Variants in MYRFL observed in about 807,000 individuals in gnomAD.
The protein encoded by MYRFL is myelin regulatory factor-like protein.
Under a neutral mutation model 109.4 loss-of-function variants are expected in MYRFL, and 88 were observed. The observed-to-expected ratio is 0.80, with a 90% CI of 0.68 to 0.96. The LOEUF (loss-of-function observed/expected upper bound fraction) is 0.96, where lower values mean the gene tolerates loss of function less well. Ranked by LOEUF, MYRFL falls within the 40% of genes least tolerant of loss-of-function variation. The pLI, the probability that MYRFL is intolerant of heterozygous loss-of-function variation, is 0.00. For missense variants in MYRFL, 957 were observed against 954.9 expected, an observed-to-expected ratio of 1.00 and a Z score of -0.03; for synonymous variants, 324 against 320.9, an observed-to-expected ratio of 1.01 and a Z score of -0.10.
At chr12:69,904,893 C>A (rs1315881915) in intron 11 of MYRFL, among the ~76,000 whole-genome samples, 7 of 152,328 alleles carry the variant, frequency 4.6e-5, no homozygotes, top group African/African-American at 1.4e-4. Flanking sequence ...AGACTGCATT[C>A]CTTTCTCAGT....
At chr12:69,940,495 C>A (rs1360188840) in intron 19 of MYRFL, among the ~76,000 whole-genome samples, 1 of 150,228 alleles carries the variant, frequency 6.7e-6, no homozygotes, top group Non-Finnish European at 1.5e-5. Context: ...TACAGACAAG[C>A]AAATGCTGAG....
intron 1 of MYRFL, among the ~76,000 whole-genome samples, chr12:69,836,174 CAG>C: frequency 6.6e-6 from 1 of 152,310 alleles, no homozygotes; most frequent in Non-Finnish European, 1.5e-5. Flanking sequence ...TTCTGCCGGT[CAG>C]GGGCTAGCCG....
intron 2 of MYRFL, among the ~76,000 whole-genome samples, chr12:69,875,806 T>A (rs1291980317): frequency 6.6e-6 from 1 of 152,188 alleles, no homozygotes; most frequent in African/African-American, 2.4e-5. Flanking sequence ...CGTCCATCTC[T>A]TCCATGAAAT....
intron 18 of MYRFL, 52 bp downstream of exon 18, chr12:69,936,387 A>G: frequency 6.5e-7 from 1 of 1,531,938 alleles, no homozygotes; most frequent in Non-Finnish European, 8.7e-7. Context: ...TGAACTGTTA[A>G]CAGAAGAAAC....
intron 2 of MYRFL, among the ~76,000 whole-genome samples, chr12:69,870,539 G>C (rs555625162): frequency 8.5e-5 from 13 of 152,248 alleles, no homozygotes; most frequent in South Asian, 2.1e-4. Context: ...ACGATTGTGA[G>C]TAAAAGGGGC....
rs202104049 is a variant in MYRFL, at chr12:69,882,464, AGCACATT to A, written c.556+2175_556+2181del. On this transcript the variant is annotated intron_variant, in intron 5 of 24. Transcript: ENST00000552032. ...ATTTCTACAAAGGTCCTGGGGAAAC[AGCACATT>A]GCTAGAGGAAGGAGGAGGTTATGCC... Among the ~76,000 whole-genome samples, 1,099 of 152,322 alleles carry A rather than the reference AGCACATT, an allele frequency of 7.2e-3. 9 individuals are homozygous for A. The highest frequency in any genetic ancestry group is 0.025 in the African/African-American group (1,054 of 41,574).
intron 2 of MYRFL, among the ~76,000 whole-genome samples, chr12:69,856,750 GTTTTC>G (rs1884312541): frequency 6.6e-6 from 1 of 151,762 alleles, no homozygotes; most frequent in African/African-American, 2.4e-5. Flanking sequence ...AATTGAGTTT[GTTTTC>G]TTTAAGTTTA....
chr12:69,899,427 G>A (rs1954112713), intron 10 of MYRFL, among the ~76,000 whole-genome samples: 1 of 152,212 alleles, frequency 6.6e-6, no homozygotes, highest in African/African-American at 2.4e-5. Context: ...GGGTTGGGCA[G>A]AGGGCAGACC....
intron 15 of MYRFL, among the ~76,000 whole-genome samples, chr12:69,930,927 T>C (rs778554330): frequency 2.6e-5 from 4 of 152,096 alleles, no homozygotes; most frequent in Non-Finnish European, 4.4e-5. Flanking sequence ...ATTTTACATG[T>C]AGGGCATTTA....
intron 1 of MYRFL, among the ~76,000 whole-genome samples, chr12:69,831,007 A>G (rs752939491): frequency 6.6e-6 from 1 of 152,184 alleles, no homozygotes; most frequent in Non-Finnish European, 1.5e-5. Context: ...ACAATTGTGG[A>G]TAATATAGAT....
In MYRFL at chr12:69,846,599, G is replaced by T. The variant is rs529977900; in HGVS notation, c.47-8681G>T. On this transcript the variant is annotated intron_variant, in intron 1 of 24. Transcript: ENST00000552032. ...CATTTTCTTAATCCAGTCTATCATT[G>T]TTGGACATTTGGGTTGGTTCCAAGT... Among the ~76,000 whole-genome samples, 188 of 152,072 alleles carry T rather than the reference G, an allele frequency of 1.2e-3. 1 individual carries two copies. Among genetic ancestry groups the T allele is most frequent in the Non-Finnish European group, 3.7e-4 (25 of 68,004 alleles).
intron 5 of MYRFL, among the ~76,000 whole-genome samples, chr12:69,883,341 A>T (rs965293402): frequency 2.0e-5 from 3 of 152,232 alleles, no homozygotes; most frequent in Non-Finnish European, 4.4e-5. Context: ...CCCTAGAAGT[A>T]TAACTAGCAG....
chr12:69,861,253 G>A (rs1049005668), intron 2 of MYRFL, among the ~76,000 whole-genome samples: 8 of 151,906 alleles, frequency 5.3e-5, no homozygotes, highest in Non-Finnish European at 1.0e-4. Context: ...AGTCCTTTGG[G>A]TATATACCCA....
chr12:69,935,534 T>TGAA (rs1005021520), intron 16 of MYRFL, among the ~76,000 whole-genome samples: 3 of 152,234 alleles, frequency 2.0e-5, no homozygotes, highest in African/African-American at 7.2e-5. Flanking sequence ...TCGTTATTTT[T>TGAA]GAAGTCTCAC....
At chr12:69,942,782 A>C (rs1955702837) in intron 19 of MYRFL, among the ~76,000 whole-genome samples, 1 of 151,658 alleles carries the variant, frequency 6.6e-6, no homozygotes, top group African/African-American at 2.4e-5. Context: ...TATATCTAGA[A>C]AACCCCATTG....
chr12:69,903,897 G>T (rs1455446931), intron 11 of MYRFL, 53 bp downstream of exon 11: 4 of 1,456,196 alleles, frequency 2.7e-6, no homozygotes, highest in Admixed American at 2.3e-5. Flanking sequence ...AGTCAGGTTT[G>T]CTGGGTGCTC....
At chr12:69,847,456 C>G (rs1883626669) in intron 1 of MYRFL, among the ~76,000 whole-genome samples, 2 of 152,026 alleles carry the variant, frequency 1.3e-5, no homozygotes, top group Admixed American at 6.6e-5. Context: ...TTTATGATTA[C>G]AAAAGTAATA....
intron 2 of MYRFL, among the ~76,000 whole-genome samples, chr12:69,863,850 T>G (rs948438119): frequency 2.0e-5 from 3 of 152,224 alleles, no homozygotes; most frequent in African/African-American, 7.2e-5. Context: ...TGATAGATTT[T>G]CTTAGTTTTC....
intron 2 of MYRFL, among the ~76,000 whole-genome samples, chr12:69,864,668 CAA>C (rs773200943): frequency 0.22 from 1,388 of 6,248 alleles, 19 homozygotes; most frequent in Middle Eastern, 0.31. Context: ...CACACACACA[CAA>C]ACACACACAC....
Sources: gnomAD v4.1 joint callset for allele counts (sites outside exome capture counted in the v4.1 genomes callset) on GRCh38, gnomAD v4.1.1 for gene constraint, MANE v1.5 for transcripts, NCBI Gene and HGNC (gene_info 2026-07-23, HGNC 2026-07-21) for gene names.